The following ZMYM2 variants were observed in gnomAD, a reference collection of about 807,000 sequenced individuals.
ZMYM2 encodes zinc finger MYM-type containing 2, also known as zinc finger MYM-type protein 2.
In ZMYM2, 56 loss-of-function variants were observed where a neutral mutation model predicts 162.8. The ratio of observed to expected loss-of-function variants is 0.34; its 90% CI spans 0.28 to 0.43. The LOEUF (loss-of-function observed/expected upper bound fraction) is 0.43. Among genes scored for constraint, ZMYM2 ranks in the 20% least tolerant of loss-of-function variants. The pLI, the probability that ZMYM2 is intolerant of heterozygous loss-of-function variation, is 1.00. For synonymous variants in ZMYM2, 510 were observed against 541.6 expected (o/e 0.94, Z 0.81); for missense variants, 1,275 against 1,621.8 (o/e 0.79, Z 3.67).
At chr13:19,911,111 C>T in the ZMYM2 span, among the ~76,000 whole-genome samples, 1 of 140,786 alleles carries the variant, frequency 7.1e-6, no homozygotes, top group African/African-American at 2.7e-5. Flanking sequence ...GGCTGGAGTG[C>T]AGTGGTGGGA....
intron 3 of ZMYM2, among the ~76,000 whole-genome samples, chr13:20,002,583 A>G (rs779086368): frequency 6.6e-6 from 1 of 152,172 alleles, no homozygotes; most frequent in African/African-American, 2.4e-5. Context: ...GGGAATGGCT[A>G]GATTGAGCTC....
At chr13:20,073,134 C>T (rs1190933109) in intron 21 of ZMYM2, among the ~76,000 whole-genome samples, 1 of 152,038 alleles carries the variant, frequency 6.6e-6, no homozygotes, top group Non-Finnish European at 1.5e-5. Flanking sequence ...TCTTGAATTC[C>T]AGACCTCAAG....
At chr13:20,064,328 C>G (rs1040166135) in intron 18 of ZMYM2, 123 bp from the exon 19 acceptor site, 3 of 666,474 alleles carry the variant, frequency 4.5e-6, no homozygotes, top group Non-Finnish European at 6.9e-6. Context: ...TACTCCCCAG[C>G]CCAGCCTAGA....
rs931569831 is a variant in ZMYM2, at chr13:19,986,050, C to T, written c.-10-7013C>T. Among the ~76,000 whole-genome samples the T allele has an allele frequency of 1.1e-4, 16 of 151,626 alleles. No homozygotes were observed. In the Middle Eastern group the frequency reaches 0.01, roughly 97 times the overall value. On this transcript the variant is annotated intron_variant, in intron 2 of 24. Coordinates refer to ENST00000610343, the MANE Select transcript of ZMYM2 (RefSeq NM_197968.4). ...AAAAAATACAAAAAAATCAGCCTGG[C>T]GTGTGGCGTGTGCCTGTGGTCCCCG...
chr13:20,059,663 T>A, intron 16 of ZMYM2, 101 bp downstream of exon 16: 1 of 682,726 alleles, frequency 1.5e-6, no homozygotes, highest in Admixed American at 2.7e-5. Flanking sequence ...TTGAACTCCA[T>A]GCATCCACAT....
At chr13:19,890,421 G>A in the ZMYM2 span, among the ~76,000 whole-genome samples, 1 of 143,996 alleles carries the variant, frequency 6.9e-6, no homozygotes, top group Admixed American at 7.5e-5. Context: ...TCCTGCCTCG[G>A]CCTCCTAAAG....
chr13:19,921,234 G>C, the ZMYM2 span, among the ~76,000 whole-genome samples: 2 of 152,046 alleles, frequency 1.3e-5, no homozygotes, highest in African/African-American at 2.4e-5. Flanking sequence ...CCACCTCCCA[G>C]GTTCAAGCGA....
At chr13:19,952,736 A>G in the ZMYM2 span, among the ~76,000 whole-genome samples, 1 of 152,124 alleles carries the variant, frequency 6.6e-6, no homozygotes, top group Non-Finnish European at 1.5e-5. Flanking sequence ...TGGGATCCCA[A>G]AGGATGAGAA....
chr13:20,080,200 T>G (rs939560119), intron 21 of ZMYM2, among the ~76,000 whole-genome samples: 3 of 152,236 alleles, frequency 2.0e-5, no homozygotes, highest in African/African-American at 4.8e-5. Context: ...TGTCACTTTC[T>G]TGATTTGCCA....
chr13:19,872,123 C>T, the ZMYM2 span, among the ~76,000 whole-genome samples: 1 of 151,672 alleles, frequency 6.6e-6, no homozygotes, highest in African/African-American at 2.4e-5. Context: ...GTGTAAGCCA[C>T]CATGTCTGGC....
the ZMYM2 span, among the ~76,000 whole-genome samples, chr13:19,877,047 C>T: frequency 2.1e-3 from 324 of 152,082 alleles, 7 homozygotes; most frequent in East Asian, 0.04. Context: ...CCCGTCTCTA[C>T]TAAAAATACA....
chr13:19,959,603 T>G (rs1954953366), intron 1 of ZMYM2, among the ~76,000 whole-genome samples: 1 of 151,830 alleles, frequency 6.6e-6, no homozygotes. Context: ...GTACTTGGAG[T>G]GACGGGGATG....
At position 19,965,771 on chromosome 13, in the gene ZMYM2, C is replaced by CTTTT. The variant is rs35914050; in HGVS notation, c.-11+5762_-11+5765dup. Among the ~76,000 whole-genome samples, 268 of 104,856 alleles carry CTTTT rather than the reference C, an allele frequency of 2.6e-3. 2 individuals are homozygous for CTTTT. Among genetic ancestry groups the CTTTT allele is most frequent in the Non-Finnish European group, 3.0e-3 (159 of 52,452 alleles). 68.8% of individuals were successfully genotyped at this position (104,856 alleles called of 152,430 possible). ...CTGGCCCTGATATGGTATCTGAATT[C>CTTTT]TTTTTTTTTTTTTTTTTTTTGAGAC... On this transcript the variant is annotated intron_variant, in intron 2 of 24. Coordinates refer to ENST00000610343, the MANE Select transcript of ZMYM2 (RefSeq NM_197968.4).
rs912792814 is a variant in ZMYM2 at position 20,026,376 on chromosome 13, G to T, written c.1585-236G>T. 59 of 356,306 alleles carry T rather than the reference G, an allele frequency of 1.7e-4. 1 individual carries two copies. Among genetic ancestry groups the T allele is most frequent in the South Asian group, 1.4e-3 (21 of 14,854 alleles). 22.1% of individuals were successfully genotyped at this position (356,306 alleles called of 1,614,324 possible). A position where few individuals can be genotyped will look rare whatever the true frequency, so the allele number is the denominator to read the frequency against. On this transcript the variant is annotated intron_variant, in intron 7 of 24. Coordinates refer to ENST00000610343, the MANE Select transcript of ZMYM2 (RefSeq NM_197968.4). Reference sequence around the variant, plus strand: ...GGATTCTGTTAAACTAAATATAATAGAGAGAAAAACATTCTGTTTTTGAAG... The same window carrying T: ...GGATTCTGTTAAACTAAATATAATATAGAGAAAAACATTCTGTTTTTGAAG...
At chr13:19,876,414 C>G in the ZMYM2 span, among the ~76,000 whole-genome samples, 1 of 152,034 alleles carries the variant, frequency 6.6e-6, no homozygotes, top group African/African-American at 2.4e-5. Context: ...CCTCCGCCTC[C>G]CAGGTTCAAG....
Position 20,085,828 on chromosome 13 carries a change from G to T in ZMYM2, c.3948G>T (p.Gln1316His). 6.3e-7 allele frequency: 1 copy of T among 1,594,902 alleles called. No individual in the cohort carries two copies. The highest frequency in any genetic ancestry group is 8.5e-7 in the Non-Finnish European group (1 of 1,171,010). Reference protein sequence around the residue: ...MFECYLSKSPQNLNQRMDVFY... With the variant: ...MFECYLSKSPHNLNQRMDVFY... ...TTTCCTCCCGCCTCCAAAGTCCACA[G>T]AATCTTAATCAGAGGATGGATGTTT... The change falls in exon 25 of 25, where the codon CAG becomes CAT. Residue 1316 changes from glutamine (Q) to histidine (H), a missense_variant. Gln to His is a conservative substitution (Grantham distance 24). Transcript: ENST00000610343.
chr13:19,924,900 T>C, the ZMYM2 span, among the ~76,000 whole-genome samples: 1 of 151,682 alleles, frequency 6.6e-6, no homozygotes, highest in African/African-American at 2.4e-5. Flanking sequence ...TTTTTTGTTT[T>C]GAGATGGAGT....
At chr13:20,037,272 G>C (rs1462565967) in intron 12 of ZMYM2, among the ~76,000 whole-genome samples, 1 of 133,364 alleles carries the variant, frequency 7.5e-6, no homozygotes, top group African/African-American at 3.0e-5. Flanking sequence ...CTAGAGTGCA[G>C]TGGCACCATC....
the ZMYM2 span, among the ~76,000 whole-genome samples, chr13:19,889,261 A>G: frequency 6.6e-6 from 1 of 151,948 alleles, no homozygotes; most frequent in Non-Finnish European, 1.5e-5. Flanking sequence ...TCATTTTCAA[A>G]TTGGCCATCT....
Sources: allele counts gnomAD v4.1 joint callset (sites outside exome capture counted in the v4.1 genomes callset), GRCh38; gene constraint gnomAD v4.1.1; transcripts MANE v1.5; gene names NCBI Gene and HGNC (gene_info 2026-07-23, HGNC 2026-07-21).